KANK1: variants seen among roughly 807,000 people sequenced by gnomAD.
KANK1 encodes the protein KN motif and ankyrin repeat domains 1.
A neutral mutation model predicts 106.2 loss-of-function variants in KANK1; 109 were observed. The observed-to-expected ratio is 1.03, with a 90% CI of 0.88 to 1.20. KANK1 has a LOEUF of 1.20. Among genes scored for constraint, KANK1 ranks in the 50% most tolerant of loss-of-function variants. KANK1 has a pLI of 0.00. For missense variants in KANK1, 2,399 were observed against 1,710.7 expected (o/e 1.40, Z -7.10); for synonymous variants, 873 against 652.2 (o/e 1.34, Z -5.16).
intron 3 of KANK1, among the ~76,000 whole-genome samples, chr9:484,797 C>T (rs777381224): frequency 2.6e-5 from 4 of 152,172 alleles, no homozygotes; most frequent in Non-Finnish European, 4.4e-5. Context: ...CACTGGGCAG[C>T]ACCCAGGCAG....
chr9:620,685 G>A (rs933853982), intron 1 of KANK1, among the ~76,000 whole-genome samples: 1 of 151,996 alleles, frequency 6.6e-6, no homozygotes, highest in African/African-American at 2.4e-5. Context: ...GATTACAGGC[G>A]TGAGCCAACT....
Position 710,917 on chromosome 9 carries a change from G to C in KANK1, c.151G>C (p.Asp51His). 6.2e-7 allele frequency: 1 copy of C among 1,614,110 alleles called. No individual in the cohort carries two copies. The highest frequency in any genetic ancestry group is 8.5e-7 in the Non-Finnish European group (1 of 1,180,024). The change falls in exon 3 of 12, where the codon GAC becomes CAC. Residue 51 changes from aspartate to histidine, a missense_variant. Asp to His is a moderately conservative substitution (Grantham distance 81). Transcript: ENST00000382297. ...LDLDFLKYVDDIQKGNTIKRL... is the reference protein window; with the variant it reads ...LDLDFLKYVDHIQKGNTIKRL... ...CTTAGATTTCCTCAAATATGTGGAT[G>C]ACATACAGAAGGGAAATACCATCAA...
At chr9:649,480 T>C (rs987280678) in intron 1 of KANK1, among the ~76,000 whole-genome samples, 1 of 152,190 alleles carries the variant, frequency 6.6e-6, no homozygotes, top group African/African-American at 2.4e-5. Flanking sequence ...CTGAGCTGAT[T>C]TACAGAGTGT....
intron 1 of KANK1, among the ~76,000 whole-genome samples, chr9:655,667 C>T (rs1841982805): frequency 6.6e-6 from 1 of 152,054 alleles, no homozygotes; most frequent in Non-Finnish European, 1.5e-5. Flanking sequence ...AAGTGTTGAC[C>T]TATGTAAGTG....
At chr9:648,538 C>T (rs1840218417) in intron 1 of KANK1, among the ~76,000 whole-genome samples, 1 of 151,948 alleles carries the variant, frequency 6.6e-6, no homozygotes, top group East Asian at 1.9e-4. Context: ...ATTGGGTATC[C>T]TAGGCTCTGA....
At chr9:493,124 A>G (rs774240717) in intron 3 of KANK1, among the ~76,000 whole-genome samples, 3 of 151,566 alleles carry the variant, frequency 2.0e-5, no homozygotes, top group South Asian at 2.1e-4. Flanking sequence ...CCCTTCCCAT[A>G]TTGTACCAGG....
chr9:623,999 T>C (rs1833792068), intron 1 of KANK1, among the ~76,000 whole-genome samples: 2 of 152,130 alleles, frequency 1.3e-5, no homozygotes, highest in African/African-American at 4.8e-5. Context: ...ATCTTAGGAA[T>C]GGTTAAAGAA....
At chr9:535,093 G>T (rs1172676248) in intron 1 of KANK1, among the ~76,000 whole-genome samples, 2 of 152,164 alleles carry the variant, frequency 1.3e-5, no homozygotes, top group Non-Finnish European at 2.9e-5. Context: ...CAGTAACTCT[G>T]CCCAGTGTTC....
intron 1 of KANK1, among the ~76,000 whole-genome samples, chr9:629,587 C>T (rs1835179913): frequency 6.6e-6 from 1 of 152,154 alleles, no homozygotes; most frequent in South Asian, 2.1e-4. Flanking sequence ...TTATAAACAT[C>T]CAAACACATC....
chr9:635,694 CTTTT>C (rs1162836319), intron 1 of KANK1, among the ~76,000 whole-genome samples: 322 of 103,336 alleles, frequency 3.1e-3, no homozygotes, highest in African/African-American at 0.012. Flanking sequence ...CCTTTTTATT[CTTTT>C]TTTTTTTTTT....
intron 2 of KANK1, among the ~76,000 whole-genome samples, 157 bp from the exon 3 acceptor site, chr9:710,647 A>AC (rs1251768336): frequency 1.3e-5 from 2 of 148,238 alleles, no homozygotes; most frequent in South Asian, 4.2e-4. Context: ...AAACAAAAAA[A>AC]ACTTGCTTAC....
chr9:687,248 CCTT>C (rs1818792870), intron 2 of KANK1, among the ~76,000 whole-genome samples: 1 of 152,170 alleles, frequency 6.6e-6, no homozygotes, highest in East Asian at 1.9e-4. Context: ...GAGCATTGGT[CCTT>C]CTTTGCCTTT....
At chr9:478,246 T>C (rs997570508) in intron 3 of KANK1, 3 of 153,076 alleles carry the variant, frequency 2.0e-5, no homozygotes, top group Non-Finnish European at 4.4e-5. Flanking sequence ...TAAAGAGATC[T>C]TGGAGACTGC....
chr9:495,412 G>C (rs960394803), intron 3 of KANK1: 1 of 152,146 alleles, frequency 6.6e-6, no homozygotes, highest in Admixed American at 6.5e-5. Flanking sequence ...TATGAGCAGA[G>C]AGCCATCGTG....
At position 599,177 on chromosome 9, in the gene KANK1, C is replaced by A. The variant is rs565790232; in HGVS notation, c.-83-77713C>A. Reference sequence around the variant, plus strand: ...GGGATTACAGGCACACACCACCATGCTTGACTAATTTTTTATTGTTAGTAG... The same window carrying A: ...GGGATTACAGGCACACACCACCATGATTGACTAATTTTTTATTGTTAGTAG... On this transcript the variant is annotated intron_variant, in intron 1 of 11. Coordinates refer to ENST00000382297, the MANE Select transcript of KANK1 (RefSeq NM_015158.5). Among the ~76,000 whole-genome samples the A allele has an allele frequency of 3.3e-3, 502 of 151,186 alleles. 3 individuals carry two copies. Among genetic ancestry groups the A allele is most frequent in the Non-Finnish European group, 5.5e-3 (372 of 67,964 alleles).
At chr9:716,109 C>A (rs76473055) in intron 3 of KANK1, among the ~76,000 whole-genome samples, 9 of 152,276 alleles carry the variant, frequency 5.9e-5, no homozygotes, top group South Asian at 2.1e-4. Context: ...GGTCTGACAC[C>A]TACCAAAAAG....
chr9:641,001 T>C (rs1588493727), intron 1 of KANK1, among the ~76,000 whole-genome samples: 1 of 152,300 alleles, frequency 6.6e-6, no homozygotes, highest in East Asian at 1.9e-4. Flanking sequence ...TGGCCACCAC[T>C]TTTAAATGTC....
At chr9:475,050 C>T (rs756312037) in intron 3 of KANK1, among the ~76,000 whole-genome samples, 6 of 152,242 alleles carry the variant, frequency 3.9e-5, no homozygotes, top group Non-Finnish European at 7.4e-5. Flanking sequence ...TAACTGGTTG[C>T]AGCCAGCACC....
chr9:482,379 AC>A (rs1321040428), intron 3 of KANK1, among the ~76,000 whole-genome samples: 1 of 152,208 alleles, frequency 6.6e-6, no homozygotes, highest in Non-Finnish European at 1.5e-5. Context: ...TTGTTGGGGT[AC>A]TAAGTGCCAT....
Sources: allele counts gnomAD v4.1 joint callset (sites outside exome capture counted in the v4.1 genomes callset), GRCh38; gene constraint gnomAD v4.1.1; transcripts MANE v1.5; gene names NCBI Gene and HGNC (gene_info 2026-07-23, HGNC 2026-07-21).